RELN: variants seen among roughly 807,000 people sequenced by gnomAD.
The protein encoded by RELN is reelin.
A neutral mutation model predicts 427.6 loss-of-function variants in RELN; 108 were observed. That is an observed-to-expected ratio of 0.25 (90% confidence interval 0.22 to 0.30). The LOEUF is 0.30. Ranked by LOEUF, RELN falls within the 10% of genes least tolerant of loss-of-function variation. The probability of loss-of-function intolerance (pLI) is 1.00; values close to 1 mark genes in which losing one functional copy is unlikely to be tolerated. For missense variants in RELN, 3,715 were observed against 4,302.8 expected, an observed-to-expected ratio of 0.86 and a Z score of 3.82; for synonymous variants, 1,524 against 1,513.4, an observed-to-expected ratio of 1.01 and a Z score of -0.16.
intron 2 of RELN, among the ~76,000 whole-genome samples, chr7:103,899,005 G>T (rs73183735): frequency 0.11 from 16,829 of 151,614 alleles, 1,151 homozygotes; most frequent in East Asian, 0.27. Flanking sequence ...TTCCCAAACT[G>T]TCCCATACAA....
rs1290736844 is a variant in RELN, at chr7:103,636,485, G to C, written c.2070-17C>G. ...GGGTCACACCTGAAAGAAATATGGT[G>C]AAATTAAATCTTAAACTGTTGGCTG... On this transcript the variant is annotated splice_polypyrimidine_tract_variant and intron_variant, in intron 17 of 64. Transcript: ENST00000428762. 17 of 1,520,038 alleles carry C rather than the reference G, an allele frequency of 1.1e-5. No individual in the cohort carries two copies. Among genetic ancestry groups the C allele is most frequent in the Non-Finnish European group, 1.6e-5 (17 of 1,096,314 alleles). The allele number at this position is 1,520,038 out of a possible 1,614,324, so 94.2% of individuals were successfully genotyped here.
At position 103,558,835 on chromosome 7, in the gene RELN, C is replaced by T. The variant is rs191713892; in HGVS notation, c.5530-786G>A. Among the ~76,000 whole-genome samples the T allele has an allele frequency of 2.0e-5, 3 of 152,164 alleles. No individual in the cohort carries two copies. The East Asian group carries it at 5.8e-4, about 29-fold the overall frequency. ...TTTTTCAGCTGCAACTTCTGAATGA[C>T]GTGACTCTTTACGGATGCACGGCTG... On this transcript the variant is annotated intron_variant, in intron 36 of 64. Transcript: ENST00000428762.
chr7:103,498,342 TAAA>T, intron 53 of RELN, 90 bp from the exon 54 acceptor site: 1 of 1,161,866 alleles, frequency 8.6e-7, no homozygotes, highest in Non-Finnish European at 1.3e-6. Context: ...GTCTTGGACT[TAAA>T]AAAAATAGAG....
chr7:103,593,772 T>C lies in RELN; in HGVS notation c.3822A>G (p.Pro1274=). ...VKNETFCAAT[P]SAMIFGKSDG... ...CTGATTTTCCAAATATCATTGCTGA[T>C]GGTGTGGCAGCACAGAAGGTTTCAT... The change falls in exon 27 of 65, where the codon CCA becomes CCG. Residue 1274 remains proline (P), a synonymous_variant. Coordinates refer to ENST00000428762, the MANE Select transcript of RELN (RefSeq NM_005045.4). 3 of 1,613,744 alleles carry C rather than the reference T, an allele frequency of 1.9e-6. No individual in the cohort carries two copies. Among genetic ancestry groups the C allele is most frequent in the Non-Finnish European group, 2.5e-6 (3 of 1,179,628 alleles).
chr7:103,937,041 T>C (rs1796003157), intron 1 of RELN, among the ~76,000 whole-genome samples: 1 of 152,212 alleles, frequency 6.6e-6, no homozygotes, highest in Admixed American at 6.5e-5. Flanking sequence ...TTAAATATCT[T>C]TTTCATCTTT....
Position 103,888,881 on chromosome 7 carries a change from C to T in RELN, c.337+28194G>A, listed in dbSNP as rs529321079. 2.6e-5 allele frequency among the ~76,000 whole-genome samples: 4 copies of T among 152,268 alleles called. 1 individual carries two copies. The highest frequency in any genetic ancestry group is 9.6e-5 in the African/African-American group (4 of 41,528). ...CAGATCCCAACCACTTGCACTACAT[C>T]TCCGGATGACTCCTGCTGACCCACA... On this transcript the variant is annotated intron_variant, in intron 2 of 64. Transcript: ENST00000428762.
At chr7:103,741,583 G>T (rs2116013832) in intron 6 of RELN, among the ~76,000 whole-genome samples, 1 of 151,870 alleles carries the variant, frequency 6.6e-6, no homozygotes, top group East Asian at 1.9e-4. Context: ...AAGAAAAGGA[G>T]GGTGAGGGGA....
At chr7:103,692,972 G>A (rs1417743843) in intron 10 of RELN, among the ~76,000 whole-genome samples, 1 of 152,066 alleles carries the variant, frequency 6.6e-6, no homozygotes, top group African/African-American at 2.4e-5. Context: ...CACACCTAAA[G>A]GAATGTGAGT....
chr7:103,854,163 A>G (rs1793889578), intron 2 of RELN, among the ~76,000 whole-genome samples: 3 of 152,180 alleles, frequency 2.0e-5, no homozygotes, highest in African/African-American at 2.4e-5. Context: ...ATGCTTATGT[A>G]GATTCACCAA....
At chr7:103,792,829 T>C (rs1039832698) in intron 3 of RELN, among the ~76,000 whole-genome samples, 14 of 151,976 alleles carry the variant, frequency 9.2e-5, no homozygotes, top group Non-Finnish European at 2.1e-4. Flanking sequence ...AAAATGGAAA[T>C]ATATTCTGGA....
intron 2 of RELN, among the ~76,000 whole-genome samples, chr7:103,859,263 T>C (rs1387596810): frequency 6.6e-6 from 1 of 152,128 alleles, no homozygotes. Context: ...ACCTGGCACA[T>C]TTGGAATCTT....
intron 43 of RELN, among the ~76,000 whole-genome samples, chr7:103,541,327 T>G (rs1367285781): frequency 6.6e-6 from 1 of 152,220 alleles, no homozygotes; most frequent in Non-Finnish European, 1.5e-5. Context: ...AAATTTCATG[T>G]GTAACCCAAC....
At chr7:103,842,465 A>G (rs993781645) in intron 2 of RELN, among the ~76,000 whole-genome samples, 1 of 152,200 alleles carries the variant, frequency 6.6e-6, no homozygotes, top group African/African-American at 2.4e-5. Context: ...ACATTTCAAC[A>G]AAGCCAAACA....
At chr7:103,725,741 T>C (rs987242704) in intron 7 of RELN, among the ~76,000 whole-genome samples, 13 of 152,178 alleles carry the variant, frequency 8.5e-5, no homozygotes, top group African/African-American at 3.1e-4. Context: ...TGTCACCACC[T>C]GAAATACAGA....
chr7:103,492,101 G>T (rs115974676), intron 57 of RELN, 75 bp from the exon 58 acceptor site: 6 of 1,174,274 alleles, frequency 5.1e-6, no homozygotes, highest in Non-Finnish European at 7.5e-6. Context: ...AATCCCATCC[G>T]TCCATTTATT....
chr7:103,692,798 G>A (rs1833899198), intron 10 of RELN, among the ~76,000 whole-genome samples: 2 of 151,696 alleles, frequency 1.3e-5, no homozygotes, highest in Non-Finnish European at 2.9e-5. Flanking sequence ...TCTGTCACCT[G>A]TCCCCACCCC....
intron 3 of RELN, among the ~76,000 whole-genome samples, chr7:103,782,032 C>T (rs745538): frequency 0.33 from 50,604 of 151,828 alleles, 8,458 homozygotes; most frequent in East Asian, 0.44. Flanking sequence ...GCACTTATCT[C>T]CTTCTTGGGA....
At chr7:103,550,399 A>G (rs1830385850) in intron 41 of RELN, among the ~76,000 whole-genome samples, 2 of 152,122 alleles carry the variant, frequency 1.3e-5, no homozygotes, top group South Asian at 2.1e-4. Flanking sequence ...CTGAAAGAAA[A>G]AACAGAAATT....
intron 4 of RELN, among the ~76,000 whole-genome samples, chr7:103,754,269 CTA>C (rs1239503931): frequency 6.6e-6 from 1 of 151,984 alleles, no homozygotes; most frequent in African/African-American, 2.4e-5. Flanking sequence ...ATAAAATACA[CTA>C]TTAAATTAAT....
Sources: allele counts gnomAD v4.1 joint callset (sites outside exome capture counted in the v4.1 genomes callset), GRCh38; gene constraint gnomAD v4.1.1; transcripts MANE v1.5; gene names NCBI Gene and HGNC (gene_info 2026-07-23, HGNC 2026-07-21).